GPATCH2L: variants seen among roughly 807,000 people sequenced by gnomAD.
GPATCH2L encodes G-patch domain containing 2 like, also known as G patch domain-containing protein 2-like.
In GPATCH2L, 31 loss-of-function variants were observed where a neutral mutation model predicts 57.4. The ratio of observed to expected loss-of-function variants is 0.54; its 90% confidence interval spans 0.41 to 0.73. GPATCH2L has a LOEUF of 0.73. Among genes scored for constraint, GPATCH2L ranks in the 30% least tolerant of loss-of-function variants. GPATCH2L has a pLI of 0.00. For synonymous variants in GPATCH2L, 199 were observed against 210.7 expected (o/e 0.94, Z 0.48); for missense variants, 481 against 599.9 (o/e 0.80, Z 2.07).
chr14:76,230,254 G>A (rs1220291383), intron 2 of GPATCH2L: 1 of 152,240 alleles, frequency 6.6e-6, no homozygotes, highest in Non-Finnish European at 1.5e-5. Context: ...CAGAAGTGAT[G>A]TCAATTGGAT....
intron 8 of GPATCH2L, among the ~76,000 whole-genome samples, chr14:76,183,780 C>T (rs2039663686): frequency 6.6e-6 from 1 of 152,178 alleles, no homozygotes; most frequent in South Asian, 2.1e-4. Context: ...GTGTGGCAGA[C>T]TGATGAGATT....
intron 9 of GPATCH2L, among the ~76,000 whole-genome samples, chr14:76,197,448 A>G (rs544229865): frequency 6.6e-6 from 1 of 152,276 alleles, no homozygotes; most frequent in Non-Finnish European, 1.5e-5. Flanking sequence ...GGTGGGTATT[A>G]AACAAGACTT....
At chr14:76,189,514 G>T (rs2039888335) in intron 8 of GPATCH2L, among the ~76,000 whole-genome samples, 1 of 151,922 alleles carries the variant, frequency 6.6e-6, no homozygotes, top group Admixed American at 6.6e-5. Flanking sequence ...TTCACTCTTG[G>T]CATATAGAAA....
rs190701344 is a variant in GPATCH2L, at chr14:76,177,304, C to T, written c.1052+614C>T. Among the ~76,000 whole-genome samples, 766 of 152,258 alleles carry T rather than the reference C, an allele frequency of 5.0e-3. 2 individuals carry two copies. The highest frequency in any genetic ancestry group is 7.9e-3 in the Non-Finnish European group (536 of 68,024). On this transcript the variant is annotated intron_variant, in intron 6 of 9. Coordinates refer to ENST00000261530, the MANE Select transcript of GPATCH2L (RefSeq NM_017926.4). ...CAAGCGATTTGCACACCTTGGCCTC[C>T]TAAAGTGTTGGGATTACAGGTGTGA...
At chr14:76,165,065 T>C (rs2038766128) in intron 2 of GPATCH2L, among the ~76,000 whole-genome samples, 2 of 152,372 alleles carry the variant, frequency 1.3e-5, no homozygotes, top group South Asian at 4.2e-4. Context: ...GATGACTTTC[T>C]TTACACTAAC....
chr14:76,194,484 A>AGTTT (rs1555381020), intron 8 of GPATCH2L, among the ~76,000 whole-genome samples: 1 of 151,060 alleles, frequency 6.6e-6, no homozygotes, highest in African/African-American at 2.4e-5. Flanking sequence ...GAGACATGAA[A>AGTTT]GTGTGTGTGT....
intron 5 of GPATCH2L, 110 bp from the exon 6 acceptor site, chr14:76,176,513 G>A (rs1475002958): frequency 2.4e-5 from 18 of 735,080 alleles, no homozygotes; most frequent in Non-Finnish European, 2.5e-5. Flanking sequence ...CTTTTAACAT[G>A]TGCCTTTTGA....
intron 3 of GPATCH2L, 85 bp from the exon 4 acceptor site, chr14:76,171,758 A>G (rs2039096201): frequency 2.5e-6 from 2 of 786,628 alleles, no homozygotes; most frequent in East Asian, 2.7e-5. Context: ...GATCAAAACT[A>G]TGGCACTAAG....
chr14:76,195,250 G>A (rs770801071), intron 8 of GPATCH2L, among the ~76,000 whole-genome samples: 2 of 152,196 alleles, frequency 1.3e-5, no homozygotes, highest in African/African-American at 4.8e-5. Context: ...ACGTAGTTCA[G>A]TGTTAATCCC....
At position 76,152,685 on chromosome 14, in the gene GPATCH2L, G is replaced by T. The variant is rs377636087; in HGVS notation, c.-11+694G>T. The T allele has an allele frequency of 5.6e-3, 2,553 of 456,120 alleles. 73 individuals carry two copies. Among genetic ancestry groups the T allele is most frequent in the South Asian group, 0.038 (2,429 of 64,560 alleles). 28.3% of individuals were successfully genotyped at this position (456,120 alleles called of 1,614,324 possible). A position where few individuals can be genotyped will look rare whatever the true frequency, so the allele number is the denominator to read the frequency against. ...TACTGTTGGAATTACAGGCTTTGAG[G>T]CAGGAAAGGATTCTGCACAGGCATT... On this transcript the variant is annotated intron_variant, in intron 1 of 9. Transcript: ENST00000261530.
intron 2 of GPATCH2L, among the ~76,000 whole-genome samples, chr14:76,160,633 A>C (rs1338947257): frequency 6.6e-6 from 1 of 152,258 alleles, no homozygotes; most frequent in Non-Finnish European, 1.5e-5. Context: ...ATTTTAAAAA[A>C]ATATTTTATT....
rs1214104950 is a variant in GPATCH2L, at chr14:76,212,262, A to G, written c.*10411A>G. ...AAAAGTAAACTTATCTGTAGATAAAAGGCAAAAATGTCAGCAAACACTAAT... is the reference window on the plus strand; with the variant it reads ...AAAAGTAAACTTATCTGTAGATAAAGGGCAAAAATGTCAGCAAACACTAAT... On this transcript the variant is annotated 3_prime_UTR_variant, in exon 10 of 10. Transcript: ENST00000261530. The G allele has an allele frequency of 1.3e-5, 2 of 152,304 alleles. No homozygotes were observed. The highest frequency in any genetic ancestry group is 3.9e-4 in the East Asian group (2 of 5,192). 9.4% of individuals were successfully genotyped at this position (152,304 alleles called of 1,614,324 possible). A position where few individuals can be genotyped will look rare whatever the true frequency, so the allele number is the denominator to read the frequency against.
intron 2 of GPATCH2L, among the ~76,000 whole-genome samples, chr14:76,232,859 C>G (rs1347767100): frequency 6.6e-6 from 1 of 152,196 alleles, no homozygotes; most frequent in East Asian, 1.9e-4. Flanking sequence ...TTTGTTGGGG[C>G]TCCATAGTTG....
chr14:76,196,118 ATAAT>A lies in GPATCH2L; in HGVS notation c.1288+149_1288+152del, dbSNP rs761893779. The A allele has an allele frequency of 5.0e-5, 37 of 735,944 alleles. 2 individuals are homozygous for A. The highest frequency in any genetic ancestry group is 2.9e-4 in the African/African-American group (17 of 58,026). 45.6% of individuals were successfully genotyped at this position (735,944 alleles called of 1,614,324 possible). On this transcript the variant is annotated intron_variant, in intron 9 of 9. Transcript: ENST00000261530. ...CATGGGAAAACTGAGACTACAAGAAATAATTAGCCTAGTTCTTGCTGACTCTGAA... is the reference window on the plus strand; with the variant it reads ...CATGGGAAAACTGAGACTACAAGAAATAGCCTAGTTCTTGCTGACTCTGAA...
chr14:76,171,511 A>G (rs114783659), intron 3 of GPATCH2L, among the ~76,000 whole-genome samples: 3,686 of 151,938 alleles, frequency 0.024, 162 homozygotes, highest in African/African-American at 0.084. Flanking sequence ...CCGGGAGGGG[A>G]GGCGGAGGTT....
chr14:76,189,911 T>C (rs895871065), intron 8 of GPATCH2L, among the ~76,000 whole-genome samples: 8 of 152,068 alleles, frequency 5.3e-5, no homozygotes, highest in Non-Finnish European at 7.4e-5. Context: ...TTATTCTATA[T>C]AAAAAGATGA....
intron 2 of GPATCH2L, among the ~76,000 whole-genome samples, chr14:76,164,408 A>G (rs1013325735): frequency 6.6e-6 from 1 of 152,182 alleles, no homozygotes; most frequent in Admixed American, 6.5e-5. Flanking sequence ...GCTTCAAATC[A>G]TGAGTATCAA....
intron 1 of GPATCH2L, among the ~76,000 whole-genome samples, chr14:76,228,482 G>A (rs1240884286): frequency 6.6e-6 from 1 of 152,328 alleles, no homozygotes; most frequent in East Asian, 1.9e-4. Context: ...GCAGTTTCTA[G>A]GTTGTCGGTT....
intron 2 of GPATCH2L, chr14:76,230,222 C>T (rs1214416200): frequency 6.6e-6 from 1 of 152,158 alleles, no homozygotes; most frequent in Non-Finnish European, 1.5e-5. Context: ...GGACCACATC[C>T]AAGAGTCTAA....
Sources: allele counts gnomAD v4.1 joint callset (sites outside exome capture counted in the v4.1 genomes callset), GRCh38; gene constraint gnomAD v4.1.1; transcripts MANE v1.5; gene names NCBI Gene and HGNC (gene_info 2026-07-23, HGNC 2026-07-21).